Variants in NECTIN3 observed in about 807,000 individuals in gnomAD.
The protein encoded by NECTIN3 is nectin-3.
In NECTIN3, 8 loss-of-function variants were observed where a neutral mutation model predicts 49.4. The observed-to-expected ratio is 0.16, with a 90% CI of 0.10 to 0.29. The LOEUF (loss-of-function observed/expected upper bound fraction) is 0.29, where lower values mean the gene tolerates loss of function less well. Among genes scored for constraint, NECTIN3 ranks in the 10% least tolerant of loss-of-function variants. NECTIN3 has a pLI of 1.00. For missense variants in NECTIN3, 581 were observed against 654.6 expected, an observed-to-expected ratio of 0.89 and a Z score of 1.23; for synonymous variants, 277 against 241.1, an observed-to-expected ratio of 1.15 and a Z score of -1.38.
intron 3 of NECTIN3, among the ~76,000 whole-genome samples, chr3:111,121,496 A>G (rs2033955120): frequency 6.6e-6 from 1 of 152,202 alleles, no homozygotes; most frequent in Non-Finnish European, 1.5e-5. Flanking sequence ...ACTTTTGGGT[A>G]CATGGAATGG....
chr3:111,109,117 G>A (rs151044238), intron 1 of NECTIN3, among the ~76,000 whole-genome samples: 94 of 152,144 alleles, frequency 6.2e-4, no homozygotes, highest in African/African-American at 2.2e-3. Flanking sequence ...TCCTCACATG[G>A]CCTAGAAAAA....
chr3:111,187,010 T>A (rs2035732182), intron 7 of NECTIN3, among the ~76,000 whole-genome samples: 1 of 152,200 alleles, frequency 6.6e-6, no homozygotes, highest in Admixed American at 6.5e-5. Context: ...TGTTAATTAC[T>A]TTTTTAAAGA....
chr3:111,178,807 G>A (rs1326514841), intron 7 of NECTIN3, among the ~76,000 whole-genome samples: 1 of 152,198 alleles, frequency 6.6e-6, no homozygotes, highest in Non-Finnish European at 1.5e-5. Flanking sequence ...GATGGTTTAA[G>A]GCACAGACTT....
chr3:111,112,177 C>G lies in NECTIN3; in HGVS notation c.308C>G (p.Ala103Gly). 6.2e-7 allele frequency: 1 copy of G among 1,613,876 alleles called. No homozygotes were observed. Among genetic ancestry groups the G allele is most frequent in the Non-Finnish European group, 8.5e-7 (1 of 1,179,898 alleles). ...KIHGKSSQTV[A>G]VHHPQYGFSV... ...CATGGCAAAAGTTCACAGACTGTTGCAGTTCACCATCCCCAATATGGATTC... is the reference window on the plus strand; with the variant it reads ...CATGGCAAAAGTTCACAGACTGTTGGAGTTCACCATCCCCAATATGGATTC... Residue 103 changes from alanine to glycine, a missense_variant, in exon 2 of 6, where the codon GCA (alanine) becomes GGA (glycine). Ala to Gly is a moderately conservative substitution (Grantham distance 60, BLOSUM62 0). Coordinates refer to ENST00000485303, the MANE Select transcript of NECTIN3 (RefSeq NM_015480.3).
chr3:111,087,134 A>C (rs1345825169), intron 1 of NECTIN3, among the ~76,000 whole-genome samples: 11 of 152,064 alleles, frequency 7.2e-5, no homozygotes, highest in Admixed American at 7.2e-4. Flanking sequence ...ACTTTGTGGA[A>C]TCTTTTGAAT....
At chr3:111,133,002 T>G (rs1431838880) in intron 5 of NECTIN3, among the ~76,000 whole-genome samples, 1 of 151,818 alleles carries the variant, frequency 6.6e-6, no homozygotes, top group Non-Finnish European at 1.5e-5. Flanking sequence ...TTACTATATA[T>G]CTCCTTCCAA....
At chr3:111,162,231 G>A (rs570808282) in intron 7 of NECTIN3, among the ~76,000 whole-genome samples, 1 of 152,214 alleles carries the variant, frequency 6.6e-6, no homozygotes, top group Non-Finnish European at 1.5e-5. Flanking sequence ...ATAGTTAAAA[G>A]GAAATAGTTG....
intron 7 of NECTIN3, among the ~76,000 whole-genome samples, chr3:111,186,002 C>A (rs1334473688): frequency 6.6e-6 from 1 of 151,920 alleles, no homozygotes; most frequent in Non-Finnish European, 1.5e-5. Context: ...AGGCACGAGA[C>A]CAGAATCAAA....
chr3:111,137,436 G>T lies in NECTIN3; in HGVS notation c.*3221G>T, dbSNP rs10433386. 0.013 allele frequency: 12,181 copies of T among 948,472 alleles called. 1,117 individuals are homozygous for T. The East Asian group carries it at 0.44, about 34-fold the overall frequency. 58.8% of individuals were successfully genotyped at this position (948,472 alleles called of 1,614,324 possible). The stretch of plus-strand genomic sequence containing the variant: ...CTAAGTTTTGGTTTTGTTGTGTTTG[G>T]TGTTTTTTGTTTTGTTTTGTTTTGT... On this transcript the variant is annotated 3_prime_UTR_variant, in exon 6 of 6. Transcript: ENST00000485303.
intron 1 of NECTIN3, chr3:111,193,429 G>T (rs2035851717): frequency 6.7e-7 from 1 of 1,491,918 alleles, no homozygotes. Context: ...TTCTTAGATT[G>T]GGGAGAGAAG....
chr3:111,162,537 C>T (rs2035234375), intron 7 of NECTIN3, among the ~76,000 whole-genome samples: 1 of 152,182 alleles, frequency 6.6e-6, no homozygotes, highest in South Asian at 2.1e-4. Context: ...GTCAATTAAA[C>T]CTCTTTCCTT....
At chr3:111,121,020 T>G (rs2033928610) in intron 3 of NECTIN3, among the ~76,000 whole-genome samples, 1 of 147,954 alleles carries the variant, frequency 6.8e-6, no homozygotes, top group Non-Finnish European at 1.5e-5. Flanking sequence ...TTTTTTTTTT[T>G]GAGATGGAGT....
chr3:111,152,147 T>A (rs1035716402), intron 7 of NECTIN3, among the ~76,000 whole-genome samples: 2 of 151,918 alleles, frequency 1.3e-5, no homozygotes, highest in African/African-American at 4.8e-5. Context: ...TATTACATAG[T>A]TTGTAATGTC....
At chr3:111,128,494 T>C (rs2034258893) in intron 5 of NECTIN3, among the ~76,000 whole-genome samples, 2 of 152,150 alleles carry the variant, frequency 1.3e-5, no homozygotes, top group Admixed American at 6.5e-5. Flanking sequence ...ATTAACTCTA[T>C]GTAGTAGTCT....
At position 111,133,716 on chromosome 3, in the gene NECTIN3, C is replaced by G; in HGVS notation, c.1151C>G (p.Pro384Arg). 1 of 1,613,834 alleles carries G rather than the reference C, an allele frequency of 6.2e-7. No homozygotes were observed. Among genetic ancestry groups the G allele is most frequent in the Non-Finnish European group, 8.5e-7 (1 of 1,179,842 alleles). ...TADIEDLATE[P>R]KKLPFPLSTL... Reference sequence around the variant, plus strand: ...GACATCGAGGATCTAGCAACAGAACCTAAAAAATTGCCCTTCCCATTGTCA... The same window carrying G: ...GACATCGAGGATCTAGCAACAGAACGTAAAAAATTGCCCTTCCCATTGTCA... The change falls in exon 6 of 6, where the codon CCT becomes CGT. Residue 384 changes from proline (P) to arginine (R), a missense_variant. Pro to Arg is a moderately radical substitution (Grantham distance 103). Transcript: ENST00000485303.
intron 1 of NECTIN3, chr3:111,193,092 G>T: frequency 1.0e-6 from 1 of 976,510 alleles, no homozygotes; most frequent in South Asian, 1.7e-5. Context: ...TTGGCATAAT[G>T]AATCAGGGAC....
intron 1 of NECTIN3, chr3:111,072,392 C>T (rs1186462743): frequency 2.0e-6 from 3 of 1,511,850 alleles, no homozygotes; most frequent in Admixed American, 2.1e-5. Context: ...CGCTGCCCTC[C>T]CCCGCGGCCG....
chr3:111,159,127 A>G (rs1400563754), intron 7 of NECTIN3, among the ~76,000 whole-genome samples: 1 of 152,146 alleles, frequency 6.6e-6, no homozygotes, highest in Admixed American at 6.5e-5. Context: ...TTGTAAGTCT[A>G]TTTTTATATT....
At chr3:111,122,025 T>G in intron 3 of NECTIN3, 96 bp from the exon 4 acceptor site, 2 of 849,586 alleles carry the variant, frequency 2.4e-6, no homozygotes, top group Non-Finnish European at 3.8e-6. Context: ...GTTCCTGTTA[T>G]TCTAAGGCTT....
Sources: gnomAD v4.1 joint callset for allele counts (sites outside exome capture counted in the v4.1 genomes callset) on GRCh38, gnomAD v4.1.1 for gene constraint, MANE v1.5 for transcripts, NCBI Gene and HGNC (gene_info 2026-07-23, HGNC 2026-07-21) for gene names.